PGAM5: variants seen among roughly 807,000 people sequenced by gnomAD.
PGAM5 encodes the protein serine/threonine-protein phosphatase PGAM5, mitochondrial.
In PGAM5, 25 loss-of-function variants were observed where a neutral mutation model predicts 30.6. That is an observed-to-expected ratio of 0.82 (90% CI 0.60 to 1.14). The LOEUF (loss-of-function observed/expected upper bound fraction) is 1.14. PGAM5 is among the 50% of genes most tolerant of loss of function. The pLI is 0.00. For synonymous variants in PGAM5, 201 were observed against 179.1 expected, an observed-to-expected ratio of 1.12 and a Z score of -0.98; for missense variants, 384 against 408.5, an observed-to-expected ratio of 0.94 and a Z score of 0.52.
chr12:132,718,757 G>A, intron 5 of PGAM5: 9 of 1,613,422 alleles, frequency 5.6e-6, no homozygotes, highest in Non-Finnish European at 6.8e-6. Flanking sequence ...GGATCCCACT[G>A]GCAGCATCCC....
intron 1 of PGAM5, among the ~76,000 whole-genome samples, chr12:132,713,267 G>A (rs1425389798): frequency 1.3e-5 from 2 of 152,188 alleles, no homozygotes; most frequent in African/African-American, 2.4e-5. Flanking sequence ...AAGTGAATTG[G>A]GCCTTGTGGG....
At chr12:132,717,589 A>G (rs375426502) in intron 3 of PGAM5, 25 bp downstream of exon 3, 23 of 1,608,824 alleles carry the variant, frequency 1.4e-5, no homozygotes, top group Middle Eastern at 1.7e-4. Flanking sequence ...CGGGGCCTCC[A>G]TGCTTGCAGC....
rs1467170101 is a variant in PGAM5, at chr12:132,717,544, T to C, written c.476T>C (p.Ile159Thr). ...ACGCGCGCCATAGAGACCACCGATA[T>C]CATCAGCCGGCACCTGCCAGGTGAG... ...SMTRAIETTDIISRHLPGVCK... is the reference protein window; with the variant it reads ...SMTRAIETTDTISRHLPGVCK... Residue 159 changes from isoleucine to threonine, a missense_variant, in exon 3 of 6, where the codon ATC (isoleucine) becomes ACC (threonine). Coordinates refer to ENST00000498926, the MANE Select transcript of PGAM5 (RefSeq NM_001170543.2). The C allele has an allele frequency of 2.5e-6, 4 of 1,610,598 alleles. No homozygotes were observed. The highest frequency in any genetic ancestry group is 1.3e-5 in the African/African-American group (1 of 74,894).
chr12:132,713,501 C>G (rs2043541934), intron 1 of PGAM5, among the ~76,000 whole-genome samples: 1 of 152,174 alleles, frequency 6.6e-6, no homozygotes, highest in African/African-American at 2.4e-5. Flanking sequence ...TCCCCCATAC[C>G]TGCCAATTTG....
intron 1 of PGAM5, among the ~76,000 whole-genome samples, chr12:132,712,705 C>T (rs2043534913): frequency 6.6e-6 from 1 of 152,076 alleles, no homozygotes; most frequent in South Asian, 2.1e-4. Context: ...ATCCTCCCAC[C>T]TCGGCCTCCC....
chr12:132,712,392 C>T (rs2043532450), intron 1 of PGAM5, among the ~76,000 whole-genome samples: 1 of 152,152 alleles, frequency 6.6e-6, no homozygotes, highest in African/African-American at 2.4e-5. Flanking sequence ...GAAGGTCCCT[C>T]AATTGAGACT....
In PGAM5 at chr12:132,711,022, G is replaced by C; in HGVS notation, c.146G>C (p.Gly49Ala). 8.2e-7 allele frequency: 1 copy of C among 1,215,830 alleles called. No individual in the cohort carries two copies. Among genetic ancestry groups the C allele is most frequent in the Non-Finnish European group, 1.0e-6 (1 of 978,100 alleles). The allele number at this position is 1,215,830 out of a possible 1,614,324, so 75.3% of individuals were successfully genotyped here. ...PRPAEPPAWA[G>A]GARPGPGVWD... The stretch of plus-strand genomic sequence containing the variant: ...CCGGCTGAGCCGCCGGCCTGGGCGG[G>C]GGGCGCGCGGCCGGGCCCCGGTGTC... Residue 49 changes from glycine (G) to alanine (A), a missense_variant, in exon 1 of 6, where the codon GGG becomes GCG. Transcript: ENST00000498926.
chr12:132,719,006 G>A (rs11147016), intron 5 of PGAM5: 18 of 1,435,582 alleles, frequency 1.3e-5, no homozygotes, highest in African/African-American at 4.3e-5. Flanking sequence ...TTCAGGTTGC[G>A]TTTTCCCTGC....
intron 5 of PGAM5, chr12:132,718,846 C>G: frequency 6.2e-7 from 1 of 1,613,144 alleles, no homozygotes. Context: ...CGCTCCCACC[C>G]GTGTGCCAGC....
chr12:132,710,912 C>T lies in PGAM5; in HGVS notation c.36C>T (p.Cys12=), dbSNP rs997838034. 7.0e-6 allele frequency: 8 copies of T among 1,150,266 alleles called. No individual in the cohort carries two copies. The highest frequency in any genetic ancestry group is 4.8e-5 in the Admixed American group (1 of 20,866). The allele number at this position is 1,150,266 out of a possible 1,614,324, so 71.3% of individuals were successfully genotyped here. A position where few individuals can be genotyped will look rare whatever the true frequency, so the allele number is the denominator to read the frequency against. The change falls in exon 1 of 6, where the codon TGC becomes TGT. Residue 12 remains cysteine (C), a synonymous_variant. Coordinates refer to ENST00000498926, the MANE Select transcript of PGAM5 (RefSeq NM_001170543.2). The part of the protein sequence containing the change: ...AFRQALQLAA[C]GLAGGSAAVL... ...GGCAGGCGCTGCAGCTGGCGGCCTG[C>T]GGGCTGGCCGGGGGCTCGGCCGCCG...
At chr12:132,713,204 C>T (rs2043539112) in intron 1 of PGAM5, among the ~76,000 whole-genome samples, 1 of 152,102 alleles carries the variant, frequency 6.6e-6, no homozygotes, top group South Asian at 2.1e-4. Flanking sequence ...GAGCTGAGCC[C>T]AGCCTTTCTC....
chr12:132,712,691 G>A (rs2043534763), intron 1 of PGAM5, among the ~76,000 whole-genome samples: 1 of 151,822 alleles, frequency 6.6e-6, no homozygotes, highest in African/African-American at 2.4e-5. Context: ...CCCAACCTTA[G>A]GTGATCCTCC....
Position 132,717,773 on chromosome 12 carries a change from T to C in PGAM5, c.560T>C (p.Val187Ala). 1 of 1,588,488 alleles carries C rather than the reference T, an allele frequency of 6.3e-7. No individual in the cohort carries two copies. Among genetic ancestry groups the C allele is most frequent in the South Asian group, 1.1e-5 (1 of 88,206 alleles). ...EGAPIEPDPP[V>A]SHWKPEAVQY... ...GCCCCCATCGAGCCAGACCCGCCCG[T>C]GTCTCATTGGAAGCCGGAAGCTGTG... The change falls in exon 4 of 6, where the codon GTG (valine) becomes GCG (alanine). Residue 187 changes from valine to alanine, a missense_variant. Val to Ala is a moderately conservative substitution (Grantham distance 64). Coordinates refer to ENST00000498926, the MANE Select transcript of PGAM5 (RefSeq NM_001170543.2).
chr12:132,717,768 G>T lies in PGAM5; in HGVS notation c.555G>T (p.Pro185=). The change falls in exon 4 of 6, where the codon CCG becomes CCT. Residue 185 remains proline, a synonymous_variant. Transcript: ENST00000498926. ...AAGGCGCCCCCATCGAGCCAGACCC[G>T]CCCGTGTCTCATTGGAAGCCGGAAG... ...LREGAPIEPD[P]PVSHWKPEAV... The T allele has an allele frequency of 6.3e-7, 1 of 1,587,828 alleles. No individual in the cohort carries two copies. The highest frequency in any genetic ancestry group is 1.1e-5 in the South Asian group (1 of 88,148).
At chr12:132,716,471 C>T (rs909797338) in intron 2 of PGAM5, among the ~76,000 whole-genome samples, 24 of 151,982 alleles carry the variant, frequency 1.6e-4, no homozygotes, top group Admixed American at 9.8e-4. Flanking sequence ...CCTCGTAATC[C>T]GCCCGCCTTG....
chr12:132,711,926 T>G (rs1436679168), intron 1 of PGAM5, among the ~76,000 whole-genome samples: 2 of 152,218 alleles, frequency 1.3e-5, no homozygotes, highest in African/African-American at 2.4e-5. Context: ...TAATTTCACA[T>G]GTTGCTGGCA....
chr12:132,715,141 C>A, intron 2 of PGAM5, 105 bp downstream of exon 2: 1 of 1,232,702 alleles, frequency 8.1e-7, no homozygotes, highest in Non-Finnish European at 1.1e-6. Flanking sequence ...CTCCGCCGAC[C>A]CCCTTGGTCA....
chr12:132,717,894 C>G, intron 4 of PGAM5, 93 bp from the exon 5 acceptor site: 1 of 1,599,156 alleles, frequency 6.3e-7, no homozygotes, highest in Non-Finnish European at 8.5e-7. Context: ...CCGGCCGTCC[C>G]ACGGGCTTCC....
intron 5 of PGAM5, 42 bp from the exon 6 acceptor site, chr12:132,720,636 C>G: frequency 6.6e-7 from 1 of 1,517,724 alleles, no homozygotes; most frequent in Non-Finnish European, 8.8e-7. Context: ...ACAGAGCCCC[C>G]TGGCTCTAAC....
Sources: gnomAD v4.1 joint callset for allele counts (sites outside exome capture counted in the v4.1 genomes callset) on GRCh38, gnomAD v4.1.1 for gene constraint, MANE v1.5 for transcripts, NCBI Gene and HGNC (gene_info 2026-07-23, HGNC 2026-07-21) for gene names.